Variants in ANXA8 observed in about 807,000 individuals in gnomAD.
ANXA8 encodes the protein VAC-beta.
ANXA8 carries 9 observed loss-of-function variants against 26.8 expected under a neutral mutation model. The observed-to-expected ratio is 0.34, with a 90% CI of 0.20 to 0.59. The LOEUF is 0.59. Ranked by LOEUF, ANXA8 falls within the 20% of genes least tolerant of loss-of-function variation. ANXA8 has a pLI of 0.84. For synonymous variants in ANXA8, 39 were observed against 94.8 expected, an observed-to-expected ratio of 0.41 and a Z score of 3.42; for missense variants, 83 against 238.5, an observed-to-expected ratio of 0.35 and a Z score of 4.29.
At chr10:47,520,619 T>C in the ANXA8 span, 2 of 1,306,566 alleles carry the variant, frequency 1.5e-6, 1 homozygote, top group Non-Finnish European at 2.1e-6. Context: ...TGATAAAAAT[T>C]TATCAACTCG....
At chr10:47,683,223 A>ATT in the ANXA8 span, among the ~76,000 whole-genome samples, 4,399 of 110,526 alleles carry the variant, frequency 0.04, 153 homozygotes, top group African/African-American at 0.12. Context: ...GCATTTACTA[A>ATT]TTTTTTTTTT....
At chr10:47,954,049 C>T in the ANXA8 span, among the ~76,000 whole-genome samples, 3 of 150,858 alleles carry the variant, frequency 2.0e-5, no homozygotes, top group African/African-American at 7.4e-5. Flanking sequence ...GGTAAATACC[C>T]AAAAGAAAGG....
chr10:47,652,428 C>T, the ANXA8 span, among the ~76,000 whole-genome samples: 12 of 151,482 alleles, frequency 7.9e-5, no homozygotes, highest in African/African-American at 2.7e-4. Flanking sequence ...GAAAACCCAT[C>T]TCTATTAAAA....
chr10:47,646,902 C>T, the ANXA8 span, among the ~76,000 whole-genome samples: 8 of 152,208 alleles, frequency 5.3e-5, no homozygotes, highest in East Asian at 1.3e-3. Context: ...AGGGCCTATG[C>T]CACCTAGCGG....
At chr10:47,733,175 T>TTCTTTCTTTCTCTCTCTC in the ANXA8 span, among the ~76,000 whole-genome samples, 14 of 93,370 alleles carry the variant, frequency 1.5e-4, no homozygotes, top group African/African-American at 3.5e-4. Context: ...CTTTCTTTCT[T>TTCTTTCTTTCTCTCTCTC]TCTTTCTTTC....
At chr10:47,493,060 G>A in the ANXA8 span, among the ~76,000 whole-genome samples, 1 of 151,472 alleles carries the variant, frequency 6.6e-6, no homozygotes, top group Non-Finnish European at 1.5e-5. Context: ...TGGACAGTGG[G>A]TATCGTGGGC....
the ANXA8 span, among the ~76,000 whole-genome samples, chr10:47,554,645 C>T: frequency 1.3e-5 from 2 of 151,118 alleles, no homozygotes; most frequent in Admixed American, 6.6e-5. Context: ...CCCACCGGTG[C>T]ATGCAAGGCT....
chr10:47,952,680 T>A, the ANXA8 span, among the ~76,000 whole-genome samples: 4 of 147,202 alleles, frequency 2.7e-5, no homozygotes, highest in Admixed American at 1.3e-4. Context: ...TAATCTAGAA[T>A]AATCAAAGCA....
At chr10:47,528,372 C>G in the ANXA8 span, among the ~76,000 whole-genome samples, 907 of 124,220 alleles carry the variant, frequency 7.3e-3, 70 homozygotes, top group South Asian at 0.022. Flanking sequence ...GCCACTGCAC[C>G]CGGCTAGACT....
chr10:47,508,111 C>T, the ANXA8 span, among the ~76,000 whole-genome samples: 38 of 125,514 alleles, frequency 3.0e-4, 3 homozygotes, highest in Non-Finnish European at 4.8e-4. Flanking sequence ...GTTGCCCAGG[C>T]TGGAGTGCAA....
chr10:47,695,870 G>A, the ANXA8 span, among the ~76,000 whole-genome samples: 3 of 151,746 alleles, frequency 2.0e-5, no homozygotes, highest in Non-Finnish European at 4.4e-5. Context: ...TCTCTTTCCA[G>A]TTGGAAAATG....
At chr10:47,548,633 A>G in the ANXA8 span, among the ~76,000 whole-genome samples, 2 of 138,490 alleles carry the variant, frequency 1.4e-5, no homozygotes, top group African/African-American at 5.2e-5. Context: ...TTGCTAATGT[A>G]AAAGATCATA....
chr10:47,593,285 C>T, the ANXA8 span, among the ~76,000 whole-genome samples: 1 of 149,630 alleles, frequency 6.7e-6, no homozygotes, highest in Non-Finnish European at 1.5e-5. Flanking sequence ...CCTGCCAAAG[C>T]ACCACATGAG....
chr10:47,694,470 G>C, the ANXA8 span, among the ~76,000 whole-genome samples: 1 of 146,908 alleles, frequency 6.8e-6, no homozygotes, highest in African/African-American at 2.5e-5. Flanking sequence ...GCCCAGGCTG[G>C]AGTGCAGTGG....
At chr10:47,974,404 T>G in the ANXA8 span, among the ~76,000 whole-genome samples, 1 of 147,190 alleles carries the variant, frequency 6.8e-6, no homozygotes, top group African/African-American at 2.5e-5. Context: ...ATTAAGTTCT[T>G]CTTTAATTTT....
chr10:47,744,027 G>A, the ANXA8 span, among the ~76,000 whole-genome samples: 1 of 147,738 alleles, frequency 6.8e-6, no homozygotes, highest in Non-Finnish European at 1.5e-5. Flanking sequence ...AGAGACGTGC[G>A]GGGGGTAGGG....
chr10:47,511,072 TAG>T, the ANXA8 span, among the ~76,000 whole-genome samples: 349 of 124,204 alleles, frequency 2.8e-3, 5 homozygotes, highest in African/African-American at 0.011. Context: ...GCCTCCTGAG[TAG>T]CTGGGACTAC....
At chr10:47,761,043 C>G in the ANXA8 span, 1 of 609,100 alleles carries the variant, frequency 1.6e-6, no homozygotes, top group African/African-American at 1.9e-5. Flanking sequence ...CATCGGGAGC[C>G]AGGAGGAGGC....
At chr10:47,652,175 G>T in the ANXA8 span, among the ~76,000 whole-genome samples, 2 of 152,152 alleles carry the variant, frequency 1.3e-5, no homozygotes, top group East Asian at 3.9e-4. Flanking sequence ...ATAGGTATGG[G>T]GTTCTTTTTA....
Sources: allele counts gnomAD v4.1 joint callset (sites outside exome capture counted in the v4.1 genomes callset), GRCh38; gene constraint gnomAD v4.1.1; transcripts MANE v1.5; gene names NCBI Gene and HGNC (gene_info 2026-07-23, HGNC 2026-07-21).